The following SLC14A2 variants were observed in gnomAD, a reference collection of about 807,000 sequenced individuals.
SLC14A2 encodes urea transporter 2.
Under a neutral mutation model 104.6 loss-of-function variants are expected in SLC14A2, and 91 were observed. That is an observed-to-expected ratio of 0.87 (90% confidence interval 0.73 to 1.04). SLC14A2 has a LOEUF of 1.04. Ranked by LOEUF, SLC14A2 falls within the 50% of genes least tolerant of loss-of-function variation. The pLI is 0.00. For synonymous variants in SLC14A2, 476 were observed against 466.4 expected (o/e 1.02, Z -0.27); for missense variants, 1,189 against 1,156.0 (o/e 1.03, Z -0.41).
chr18:45,287,826 C>A lies in SLC14A2; in HGVS notation c.-125+74635C>A, dbSNP rs1327937819. Among the ~76,000 whole-genome samples, 9 of 152,132 alleles carry A rather than the reference C, an allele frequency of 5.9e-5. No individual in the cohort carries two copies. In the East Asian group the frequency reaches 1.5e-3, roughly 26 times the overall value. On this transcript the variant is annotated intron_variant, in intron 1 of 20. Coordinates refer to the SLC14A2 transcript ENST00000586448. The stretch of plus-strand genomic sequence containing the variant: ...CCGAGTCCTCTCCCTCTGCTGATAC[C>A]AGCGGCTGTGGATGAAACGTGGTCT...
At chr18:45,531,842 T>C (rs1394963330) in intron 2 of SLC14A2, among the ~76,000 whole-genome samples, 2 of 152,216 alleles carry the variant, frequency 1.3e-5, no homozygotes, top group Non-Finnish European at 2.9e-5. Flanking sequence ...AGGTCTAACA[T>C]GTAAGTCTTT....
chr18:45,671,588 T>G (rs2046138054), intron 16 of SLC14A2, among the ~76,000 whole-genome samples: 1 of 152,060 alleles, frequency 6.6e-6, no homozygotes, highest in South Asian at 2.1e-4. Context: ...CAACTCTCTC[T>G]CGCCTGTCCC....
chr18:45,418,031 A>G (rs921350048), intron 1 of SLC14A2, among the ~76,000 whole-genome samples: 2 of 152,212 alleles, frequency 1.3e-5, no homozygotes, highest in South Asian at 4.1e-4. Context: ...ATTCAGGGAA[A>G]TAGCACCATC....
At chr18:45,436,488 T>G (rs1056858267) in intron 1 of SLC14A2, among the ~76,000 whole-genome samples, 1 of 152,154 alleles carries the variant, frequency 6.6e-6, no homozygotes, top group Non-Finnish European at 1.5e-5. Context: ...ACCAAACCCT[T>G]TCAAACAGTC....
At chr18:45,246,568 T>C (rs1265502655) in intron 1 of SLC14A2, among the ~76,000 whole-genome samples, 1 of 149,054 alleles carries the variant, frequency 6.7e-6, no homozygotes, top group East Asian at 2.0e-4. Context: ...ATAACTTTTG[T>C]TGTTGTTGTT....
At chr18:45,644,858 A>T (rs914567460) in intron 10 of SLC14A2, among the ~76,000 whole-genome samples, 1 of 151,996 alleles carries the variant, frequency 6.6e-6, no homozygotes, top group Admixed American at 6.6e-5. Context: ...TTAAAATTTA[A>T]TTTTTTTAAT....
chr18:45,295,881 T>C (rs1052676380), intron 1 of SLC14A2, among the ~76,000 whole-genome samples: 12 of 152,096 alleles, frequency 7.9e-5, no homozygotes, highest in Non-Finnish European at 1.0e-4. Flanking sequence ...AATTTGCCCA[T>C]CTGCAAAATG....
intron 1 of SLC14A2, among the ~76,000 whole-genome samples, chr18:45,289,903 T>C (rs2084852601): frequency 6.6e-6 from 1 of 152,164 alleles, no homozygotes; most frequent in Admixed American, 6.5e-5. Context: ...GCCTGATAGA[T>C]GAGTTGTTTA....
intron 1 of SLC14A2, among the ~76,000 whole-genome samples, chr18:45,290,214 A>T (rs145231339): frequency 6.6e-6 from 1 of 152,230 alleles, no homozygotes; most frequent in African/African-American, 2.4e-5. Context: ...CCCCCAGGTA[A>T]TGAATATGGT....
intron 1 of SLC14A2, among the ~76,000 whole-genome samples, chr18:45,396,058 C>T (rs1290321884): frequency 6.6e-6 from 1 of 152,110 alleles, no homozygotes; most frequent in African/African-American, 2.4e-5. Flanking sequence ...GAGTATAAAA[C>T]CTTTTTGGTC....
intron 1 of SLC14A2, among the ~76,000 whole-genome samples, chr18:45,292,163 A>T (rs975772176): frequency 6.6e-5 from 10 of 152,236 alleles, no homozygotes; most frequent in Non-Finnish European, 1.5e-4. Flanking sequence ...GCTCTAATTG[A>T]CATGAAGTGC....
intron 1 of SLC14A2, among the ~76,000 whole-genome samples, chr18:45,216,106 C>G (rs946330454): frequency 6.6e-6 from 1 of 152,042 alleles, no homozygotes; most frequent in Non-Finnish European, 1.5e-5. Context: ...CTTTTTTTCC[C>G]TATAACTTCT....
chr18:45,233,375 G>A (rs2084193755), intron 1 of SLC14A2, among the ~76,000 whole-genome samples: 1 of 152,106 alleles, frequency 6.6e-6, no homozygotes, highest in Non-Finnish European at 1.5e-5. Context: ...ATCAGCTCTG[G>A]TTATACAAAT....
At chr18:45,396,631 TTG>T (rs1491108144) in intron 1 of SLC14A2, among the ~76,000 whole-genome samples, 37 of 144,442 alleles carry the variant, frequency 2.6e-4, no homozygotes, top group South Asian at 1.7e-3. Context: ...TTTTTTGTTT[TTG>T]TTTTTTTTCT....
At chr18:45,340,012 G>A (rs1266720785) in intron 1 of SLC14A2, among the ~76,000 whole-genome samples, 1 of 152,218 alleles carries the variant, frequency 6.6e-6, no homozygotes, top group Non-Finnish European at 1.5e-5. Context: ...TCAGATATTA[G>A]AGCATAGCCT....
chr18:45,397,898 T>C (rs1297565621), intron 1 of SLC14A2, among the ~76,000 whole-genome samples: 1 of 151,680 alleles, frequency 6.6e-6, no homozygotes, highest in Non-Finnish European at 1.5e-5. Flanking sequence ...GCCCAGCCCA[T>C]GACAAGCCCT....
chr18:45,210,605 A>G (rs938506520), upstream of SLC14A2, among the ~76,000 whole-genome samples: 2 of 152,200 alleles, frequency 1.3e-5, no homozygotes, highest in Admixed American at 6.5e-5. Context: ...GTATTGTCAT[A>G]TGCCTACTGT....
At chr18:45,206,625 C>G in the SLC14A2 span, among the ~76,000 whole-genome samples, 1 of 152,208 alleles carries the variant, frequency 6.6e-6, no homozygotes, top group Admixed American at 6.5e-5. Flanking sequence ...CTTATTATTT[C>G]CTAGGGTATA....
intron 1 of SLC14A2, among the ~76,000 whole-genome samples, chr18:45,352,371 C>T (rs532655491): frequency 1.6e-4 from 25 of 152,136 alleles, no homozygotes; most frequent in East Asian, 9.7e-4. Flanking sequence ...TAGGTAGAGA[C>T]GAATTGTTCA....
Sources: gnomAD v4.1 joint callset for allele counts (sites outside exome capture counted in the v4.1 genomes callset) on GRCh38, gnomAD v4.1.1 for gene constraint, MANE v1.5 for transcripts, NCBI Gene and HGNC (gene_info 2026-07-23, HGNC 2026-07-21) for gene names.